KIF26B: variants seen among roughly 807,000 people sequenced by gnomAD.
KIF26B encodes kinesin-like protein KIF26B.
KIF26B carries 63 observed loss-of-function variants against 151.2 expected under a neutral mutation model. The ratio of observed to expected loss-of-function variants is 0.42; its 90% CI spans 0.34 to 0.51. The LOEUF (loss-of-function observed/expected upper bound fraction) is 0.51. KIF26B is among the 20% of genes least tolerant of loss of function. The probability of loss-of-function intolerance (pLI) is 0.07; values close to 1 mark genes in which losing one functional copy is unlikely to be tolerated. For missense variants in KIF26B, 2,813 were observed against 2,913.6 expected (o/e 0.97, Z 0.79); for synonymous variants, 1,357 against 1,262.1 (o/e 1.08, Z -1.59).
chr1:245,155,594 C>A (rs1668415509), intron 1 of KIF26B, 107 bp downstream of exon 1: 3 of 967,974 alleles, frequency 3.1e-6, no homozygotes, highest in African/African-American at 1.7e-5. Flanking sequence ...TCCCCCGCTG[C>A]AGAGGCGCCC....
At chr1:245,230,564 GA>G (rs1264743682) in intron 2 of KIF26B, among the ~76,000 whole-genome samples, 1 of 151,940 alleles carries the variant, frequency 6.6e-6, no homozygotes, top group Non-Finnish European at 1.5e-5. Flanking sequence ...CCAACATGGA[GA>G]AACCCCATCT....
At chr1:245,277,330 G>A (rs1289557538) in intron 2 of KIF26B, among the ~76,000 whole-genome samples, 1 of 152,196 alleles carries the variant, frequency 6.6e-6, no homozygotes, top group Non-Finnish European at 1.5e-5. Context: ...TTGGTCAATA[G>A]CCTTATCTAT....
Position 245,425,426 on chromosome 1 carries a change from A to T in KIF26B, c.1166+5681A>T, listed in dbSNP as rs570430622. 3.9e-5 allele frequency among the ~76,000 whole-genome samples: 6 copies of T among 152,130 alleles called. No individual in the cohort carries two copies. In the South Asian group the frequency reaches 1.2e-3, roughly 32 times the overall value. ...ATGGGTTTTGTTTTTGTTTTTTTTG[A>T]GATGGAGTCTCGCTCTGTCGCCCAG... On this transcript the variant is annotated intron_variant, in intron 4 of 14. Transcript: ENST00000407071.
chr1:245,687,249 G>C lies in KIF26B; in HGVS notation c.4266G>C (p.Gln1422His). The C allele has an allele frequency of 6.2e-7, 1 of 1,612,620 alleles. No homozygotes were observed. The highest frequency in any genetic ancestry group is 8.5e-7 in the Non-Finnish European group (1 of 1,179,616). The change falls in exon 12 of 15, where the codon CAG (glutamine) becomes CAC (histidine). Residue 1422 changes from glutamine (Q) to histidine (H), a missense_variant. Transcript: ENST00000407071. The surrounding 1 kb of genome is among the most constrained non-coding windows in gnomAD (Gnocchi z 4.9). ...CCAAAGCAGGCCCCACATTAGCCCA[G>C]TCCCGGGAGAGTAAGGAAAACAGTG... ...ATPKAGPTLA[Q>H]SRESKENSAK... is the part of the protein sequence containing the mutation.
intron 2 of KIF26B, among the ~76,000 whole-genome samples, chr1:245,233,890 TA>T (rs1670049202): frequency 1.3e-5 from 2 of 151,946 alleles, no homozygotes; most frequent in African/African-American, 4.8e-5. Flanking sequence ...GACTTAGAAA[TA>T]ATGTTTCGGG....
intron 2 of KIF26B, among the ~76,000 whole-genome samples, chr1:245,317,703 C>T (rs1671806122): frequency 6.6e-6 from 1 of 152,124 alleles, no homozygotes; most frequent in Non-Finnish European, 1.5e-5. Context: ...ATTTCCGGTC[C>T]CTCTCCCCCA....
At chr1:245,410,435 GT>G (rs753889151) in intron 3 of KIF26B, among the ~76,000 whole-genome samples, 2 of 152,016 alleles carry the variant, frequency 1.3e-5, no homozygotes, top group African/African-American at 2.4e-5. Flanking sequence ...CTCTGGTGTT[GT>G]GGGATTCTCT....
chr1:245,603,156 G>C (rs2043415343), intron 6 of KIF26B, among the ~76,000 whole-genome samples: 1 of 150,682 alleles, frequency 6.6e-6, no homozygotes, highest in African/African-American at 2.4e-5. Context: ...AAAAAAAAAA[G>C]TGTTTCAGGG....
chr1:245,577,678 G>C (rs546003164), intron 5 of KIF26B, among the ~76,000 whole-genome samples: 4 of 150,432 alleles, frequency 2.7e-5, no homozygotes, highest in Admixed American at 2.6e-4. Flanking sequence ...CACCGGAAGA[G>C]CTTTGTGGAA....
chr1:245,656,952 A>G (rs538891918), intron 10 of KIF26B, among the ~76,000 whole-genome samples: 2 of 152,362 alleles, frequency 1.3e-5, no homozygotes, highest in South Asian at 4.1e-4. Flanking sequence ...TTTTGTAACT[A>G]AAACAGAGCT....
intron 2 of KIF26B, among the ~76,000 whole-genome samples, chr1:245,176,068 C>T (rs1030013537): frequency 6.6e-6 from 1 of 151,878 alleles, no homozygotes; most frequent in Non-Finnish European, 1.5e-5. Context: ...GGAACGAGCT[C>T]AGCTCACTGC....
intron 2 of KIF26B, among the ~76,000 whole-genome samples, chr1:245,275,904 C>T (rs1261489233): frequency 4.6e-5 from 7 of 152,142 alleles, no homozygotes; most frequent in Admixed American, 6.5e-5. Context: ...AAGTATCCTT[C>T]GTTGACAGGT....
At position 245,368,955 on chromosome 1, in the gene KIF26B, C is replaced by T. The variant is rs139039273; in HGVS notation, c.999+1588C>T. ...TTGAAGACCAGCCTGGGCATCCTGG[C>T]GAAAACCCGTCTCTATTAAAAAAAA... On this transcript the variant is annotated intron_variant, in intron 3 of 14. Transcript: ENST00000407071. Among the ~76,000 whole-genome samples the T allele has an allele frequency of 8.3e-3, 1,262 of 151,720 alleles. 12 individuals carry two copies. The highest frequency in any genetic ancestry group is 0.029 in the African/African-American group (1,195 of 41,180).
In KIF26B at chr1:245,629,082, T is replaced by C. The variant is rs539497500; in HGVS notation, c.2099-17039T>C. Reference sequence around the variant, plus strand: ...TTCAAGGAGAACTACAAACAACTGCTCAAGGAAATAAGAGAGGACACAAAC... The same window carrying C: ...TTCAAGGAGAACTACAAACAACTGCCCAAGGAAATAAGAGAGGACACAAAC... On this transcript the variant is annotated intron_variant, in intron 9 of 14. Coordinates refer to ENST00000407071, the MANE Select transcript of KIF26B (RefSeq NM_018012.4). Among the ~76,000 whole-genome samples, 3 of 152,116 alleles carry C rather than the reference T, an allele frequency of 2.0e-5. No homozygotes were observed. In the South Asian group the frequency reaches 6.2e-4, roughly 32 times the overall value.
At chr1:245,676,199 A>G (rs2044355600) in intron 10 of KIF26B, 1 of 152,216 alleles carries the variant, frequency 6.6e-6, no homozygotes, top group Admixed American at 6.5e-5. Context: ...AATTTCTAAT[A>G]TCGTACCTGA....
At chr1:245,325,491 A>G (rs1231124619) in intron 2 of KIF26B, among the ~76,000 whole-genome samples, 5 of 152,196 alleles carry the variant, frequency 3.3e-5, no homozygotes, top group African/African-American at 1.2e-4. Context: ...AGGCAGGCAG[A>G]TCACCTGAGG....
intron 4 of KIF26B, among the ~76,000 whole-genome samples, chr1:245,436,319 C>T (rs1461123468): frequency 6.6e-6 from 1 of 152,176 alleles, no homozygotes; most frequent in East Asian, 1.9e-4. Context: ...CCTGGGCTTG[C>T]TTGATGCTGG....
At chr1:245,190,634 G>GTTTTTTTTTTT (rs149338802) in intron 2 of KIF26B, among the ~76,000 whole-genome samples, 10 of 106,842 alleles carry the variant, frequency 9.4e-5, no homozygotes, top group African/African-American at 2.1e-4. Flanking sequence ...TGAATGTTTT[G>GTTTTTTTTTTT]TTTTGTTTTT....
chr1:245,325,104 AAAAAAAAG>A (rs1217108344), intron 2 of KIF26B, among the ~76,000 whole-genome samples: 49 of 134,962 alleles, frequency 3.6e-4, no homozygotes, highest in Admixed American at 1.1e-3. Context: ...CAAAAAAAAA[AAAAAAAAG>A]AAAAAAAGAA....
Sources: gnomAD v4.1 joint callset for allele counts (sites outside exome capture counted in the v4.1 genomes callset) on GRCh38, gnomAD v4.1.1 for gene constraint, Gnocchi (gnomAD v3.1) non-coding constraint, MANE v1.5 for transcripts, NCBI Gene and HGNC (gene_info 2026-07-23, HGNC 2026-07-21) for gene names.